PADI4: variants seen among roughly 807,000 people sequenced by gnomAD.
PADI4 encodes the protein protein-arginine deiminase type-4.
PADI4 carries 62 observed loss-of-function variants against 75.0 expected under a neutral mutation model. The observed-to-expected ratio is 0.83, with a 90% CI of 0.67 to 1.02. The LOEUF is 1.02. PADI4 is among the 50% of genes least tolerant of loss of function. PADI4 has a pLI of 0.00. For synonymous variants in PADI4, 361 were observed against 348.1 expected, an observed-to-expected ratio of 1.04 and a Z score of -0.41; for missense variants, 845 against 850.5, an observed-to-expected ratio of 0.99 and a Z score of 0.08.
In PADI4 at chr1:17,336,178, C is replaced by T. The variant is rs1216432657; in HGVS notation, c.360C>T (p.Asp120=). 1.2e-6 allele frequency: 2 copies of T among 1,613,048 alleles called. No individual in the cohort carries two copies. The highest frequency in any genetic ancestry group is 1.7e-6 in the Non-Finnish European group (2 of 1,179,088). The change falls in exon 4 of 16, where the codon GAC becomes GAT. Residue 120 remains aspartate, a synonymous_variant. Coordinates refer to ENST00000375448, the MANE Select transcript of PADI4 (RefSeq NM_012387.3). ...TTTCAGAAATCTCCTTGTGCGCAGA[C>T]ATCACCCGCACCGGCAAAGTGAAGC... is the stretch of plus-strand genomic sequence containing the variant. ...LTGVEISLCA[D]ITRTGKVKPT...
chr1:17,347,988 C>T lies in PADI4; in HGVS notation c.1095C>T (p.Pro365=), dbSNP rs144009145. Reference sequence around the variant, plus strand: ...TCCAAGCCCCACACAAAACGCTGCCCGTGGTCTTCGACTCTCCAAGGAACA... The same window carrying T: ...TCCAAGCCCCACACAAAACGCTGCCTGTGGTCTTCGACTCTCCAAGGAACA... ...GYIQAPHKTL[P]VVFDSPRNRG... The change falls in exon 10 of 16, where the codon CCC becomes CCT. Residue 365 remains proline, a synonymous_variant. Transcript: ENST00000375448. 175 of 1,607,728 alleles carry T rather than the reference C, an allele frequency of 1.1e-4. No individual in the cohort carries two copies. In the African/African-American group the frequency reaches 1.4e-3, roughly 13 times the overall value.
Position 17,326,369 on chromosome 1 carries a change from T to C in PADI4, c.93-4600T>C, listed in dbSNP as rs2074117272. On this transcript the variant is annotated intron_variant, in intron 1 of 15. Transcript: ENST00000375448. ...ACATTTAAGGCATAAAGTATCACTTTTACATCTCCCCAAAAGTTTTGAAAA... is the reference window on the plus strand; with the variant it reads ...ACATTTAAGGCATAAAGTATCACTTCTACATCTCCCCAAAAGTTTTGAAAA... 1.3e-5 allele frequency among the ~76,000 whole-genome samples: 2 copies of C among 152,244 alleles called. 1 individual carries two copies. The highest frequency in any genetic ancestry group is 4.1e-4 in the South Asian group (2 of 4,838).
At chr1:17,363,443 C>A in intron 15 of PADI4, 79 bp from the exon 16 acceptor site, 2 of 958,286 alleles carry the variant, frequency 2.1e-6, no homozygotes, top group South Asian at 2.9e-5. Context: ...TTCCAAAGGT[C>A]AGAGAAGGGT....
At chr1:17,361,454 G>A (rs2074847207) in intron 15 of PADI4, among the ~76,000 whole-genome samples, 1 of 152,240 alleles carries the variant, frequency 6.6e-6, no homozygotes, top group African/African-American at 2.4e-5. Context: ...CCCAGGAGCT[G>A]GCTGTGGGAG....
chr1:17,323,185 A>G (rs10888022), intron 1 of PADI4, among the ~76,000 whole-genome samples: 84,664 of 151,904 alleles, frequency 0.56, 23,773 homozygotes, highest in East Asian at 0.6. Context: ...TTCCTGCCAC[A>G]TTGGCCTCTC....
At chr1:17,318,458 C>CGGGAG (rs2073977865) in intron 1 of PADI4, among the ~76,000 whole-genome samples, 2 of 152,142 alleles carry the variant, frequency 1.3e-5, no homozygotes, top group Non-Finnish European at 2.9e-5. Flanking sequence ...CCAACTCAGG[C>CGGGAG]AACAGTGTCA....
intron 1 of PADI4, among the ~76,000 whole-genome samples, chr1:17,319,423 G>A (rs1043960996): frequency 6.6e-6 from 1 of 152,066 alleles, no homozygotes; most frequent in African/African-American, 2.4e-5. Context: ...TTTAAAATTA[G>A]CCAGGGGTGA....
chr1:17,342,562 G>C (rs993905264), intron 8 of PADI4, among the ~76,000 whole-genome samples, 160 bp downstream of exon 8: 3 of 152,194 alleles, frequency 2.0e-5, no homozygotes, highest in Non-Finnish European at 4.4e-5. Flanking sequence ...GTTCCCTACT[G>C]TTGTTGTCAT....
At position 17,354,700 on chromosome 1, in the gene PADI4, G is replaced by A. The variant is rs1392369031; in HGVS notation, c.1310+13G>A. ...GCTGTTATCCCAGGTAAGGAGGGGA[G>A]TAACAGGAAGGGGTGGCCAGGACCC... On this transcript the variant is annotated intron_variant, in intron 11 of 15. Coordinates refer to ENST00000375448, the MANE Select transcript of PADI4 (RefSeq NM_012387.3). 1.3e-6 allele frequency: 2 copies of A among 1,587,670 alleles called. No homozygotes were observed. The highest frequency in any genetic ancestry group is 1.7e-6 in the Non-Finnish European group (2 of 1,165,838).
intron 15 of PADI4, among the ~76,000 whole-genome samples, chr1:17,361,857 TTATC>T (rs1346306128): frequency 6.6e-6 from 1 of 152,210 alleles, no homozygotes; most frequent in Non-Finnish European, 1.5e-5. Flanking sequence ...AGGCAGTCAT[TTATC>T]TGTCTAGTCA....
chr1:17,348,271 C>T (rs2074555677), intron 10 of PADI4: 1 of 423,090 alleles, frequency 2.4e-6, no homozygotes, highest in Non-Finnish European at 4.3e-6. Context: ...CACCCGTGAG[C>T]TCAGCTTGAT....
At chr1:17,345,898 G>A in intron 8 of PADI4, 130 bp from the exon 9 acceptor site, 1 of 620,298 alleles carries the variant, frequency 1.6e-6, no homozygotes, top group South Asian at 1.9e-5. Context: ...AGAGCAGATG[G>A]ACCGGACGTG....
chr1:17,325,210 C>T (rs1464088188), intron 1 of PADI4, among the ~76,000 whole-genome samples: 1 of 152,162 alleles, frequency 6.6e-6, no homozygotes, highest in African/African-American at 2.4e-5. Context: ...GGCAACAAGG[C>T]TTCCTAACCA....
At chr1:17,334,523 G>C (rs146239351) in intron 3 of PADI4, 1 of 449,394 alleles carries the variant, frequency 2.2e-6, no homozygotes, top group Non-Finnish European at 4.5e-6. Flanking sequence ...GGCTGGTCTC[G>C]AACTTCTGAC....
At chr1:17,344,484 G>C (rs1453504792) in intron 8 of PADI4, among the ~76,000 whole-genome samples, 1 of 152,238 alleles carries the variant, frequency 6.6e-6, no homozygotes, top group Non-Finnish European at 1.5e-5. Flanking sequence ...AATGTCTCCA[G>C]GGCATGTCAG....
rs966617347 is a variant in PADI4, at chr1:17,334,029, C to T, written c.340+20C>T. 4 of 1,543,270 alleles carry T rather than the reference C, an allele frequency of 2.6e-6. No homozygotes were observed. In the African/African-American group the frequency reaches 4.1e-5, roughly 16 times the overall value. On this transcript the variant is annotated intron_variant, in intron 3 of 15. Coordinates refer to ENST00000375448, the MANE Select transcript of PADI4 (RefSeq NM_012387.3). ...GGGTGGGTAAGTGACAACCAGGATC[C>T]TAGAGTGCCGTCTCATCCCCTGCCC...
chr1:17,337,082 T>C (rs1022797525), intron 4 of PADI4, among the ~76,000 whole-genome samples: 3 of 152,238 alleles, frequency 2.0e-5, no homozygotes, highest in Non-Finnish European at 2.9e-5. Flanking sequence ...GATTAGAATA[T>C]TGACATACAT....
At chr1:17,359,551 C>A in intron 15 of PADI4, 143 bp downstream of exon 15, 4 of 1,038,358 alleles carry the variant, frequency 3.9e-6, no homozygotes, top group South Asian at 1.6e-5. Flanking sequence ...GGTACAAGGT[C>A]AGACGTGACC....
chr1:17,322,495 A>C (rs1053882490), intron 1 of PADI4, among the ~76,000 whole-genome samples: 1 of 150,198 alleles, frequency 6.7e-6, no homozygotes, highest in African/African-American at 2.4e-5. Context: ...TCCCCCCCCA[A>C]AAAAAAAGAT....
Sources: allele counts gnomAD v4.1 joint callset (sites outside exome capture counted in the v4.1 genomes callset), GRCh38; gene constraint gnomAD v4.1.1; transcripts MANE v1.5; gene names NCBI Gene and HGNC (gene_info 2026-07-23, HGNC 2026-07-21).